PRKG1: variants seen among roughly 807,000 people sequenced by gnomAD.
PRKG1 encodes cGMP-dependent protein kinase 1.
In PRKG1, 35 loss-of-function variants were observed where a neutral mutation model predicts 88.1. The observed-to-expected ratio is 0.40, with a 90% CI of 0.30 to 0.53. The LOEUF is 0.53. Ranked by LOEUF, PRKG1 falls within the 20% of genes least tolerant of loss-of-function variation. PRKG1 has a pLI of 0.59. For missense variants in PRKG1, 540 were observed against 839.8 expected, an observed-to-expected ratio of 0.64 and a Z score of 4.41; for synonymous variants, 303 against 292.5, an observed-to-expected ratio of 1.04 and a Z score of -0.37.
At chr10:51,378,280 C>T (rs1054327921) in intron 2 of PRKG1, among the ~76,000 whole-genome samples, 2 of 152,126 alleles carry the variant, frequency 1.3e-5, no homozygotes, top group Admixed American at 1.3e-4. Flanking sequence ...TATTTTTATG[C>T]CTGGGAGAGT....
intron 1 of PRKG1, among the ~76,000 whole-genome samples, chr10:51,002,498 T>A (rs1374046452): frequency 6.6e-6 from 1 of 152,246 alleles, no homozygotes; most frequent in Non-Finnish European, 1.5e-5. Flanking sequence ...TACTCTACTC[T>A]GAATATAAAC....
intron 4 of PRKG1, among the ~76,000 whole-genome samples, chr10:51,837,130 A>G (rs1313096604): frequency 6.6e-6 from 1 of 152,168 alleles, no homozygotes; most frequent in Admixed American, 6.5e-5. Flanking sequence ...AAAAGGAAGA[A>G]GTAAGTTGAT....
At chr10:51,939,318 T>TA (rs1842857060) in intron 5 of PRKG1, among the ~76,000 whole-genome samples, 1 of 152,038 alleles carries the variant, frequency 6.6e-6, no homozygotes, top group East Asian at 1.9e-4. Flanking sequence ...TACGGCCAAA[T>TA]TGAGAATCCT....
At chr10:52,292,949 T>C (rs1455636486) in intron 17 of PRKG1, among the ~76,000 whole-genome samples, 3 of 152,034 alleles carry the variant, frequency 2.0e-5, no homozygotes, top group Non-Finnish European at 4.4e-5. Context: ...GGTATTCAAT[T>C]AGGAAAAGAG....
At chr10:51,948,487 T>C (rs1012878347) in intron 5 of PRKG1, among the ~76,000 whole-genome samples, 1 of 152,098 alleles carries the variant, frequency 6.6e-6, no homozygotes, top group Non-Finnish European at 1.5e-5. Flanking sequence ...GGATTTCATG[T>C]GATTCAGGTA....
At chr10:51,905,147 G>A (rs1842057955) in intron 4 of PRKG1, among the ~76,000 whole-genome samples, 2 of 152,108 alleles carry the variant, frequency 1.3e-5, no homozygotes, top group African/African-American at 2.4e-5. Context: ...CATAACTCAT[G>A]GCAACAGCTT....
intron 17 of PRKG1, among the ~76,000 whole-genome samples, chr10:52,291,583 T>G (rs1842247143): frequency 1.3e-5 from 2 of 152,144 alleles, no homozygotes. Flanking sequence ...GGACATGAAC[T>G]CATCATTTTT....
At chr10:51,741,189 G>T (rs979746985) in intron 3 of PRKG1, among the ~76,000 whole-genome samples, 7 of 151,950 alleles carry the variant, frequency 4.6e-5, no homozygotes, top group Admixed American at 2.0e-4. Flanking sequence ...AAATTACTGA[G>T]TCATTCTGGG....
intron 8 of PRKG1, among the ~76,000 whole-genome samples, chr10:52,151,567 T>A (rs1018166943): frequency 2.0e-5 from 3 of 152,086 alleles, no homozygotes; most frequent in Non-Finnish European, 4.4e-5. Flanking sequence ...ATAGGAAGAG[T>A]AATGTGTAAT....
intron 2 of PRKG1, among the ~76,000 whole-genome samples, chr10:51,275,419 C>G (rs1415824491): frequency 1.3e-5 from 2 of 152,052 alleles, no homozygotes; most frequent in African/African-American, 4.8e-5. Flanking sequence ...TGGGAAAATC[C>G]TAATTTTTCT....
chr10:52,068,670 ACATCATCATCTT>A (rs921498870), intron 7 of PRKG1, among the ~76,000 whole-genome samples: 3 of 147,220 alleles, frequency 2.0e-5, no homozygotes, highest in African/African-American at 7.3e-5. Flanking sequence ...ATCTTTATCT[ACATCATCATCTT>A]CATCATCATC....
At chr10:51,342,640 C>A (rs1588861571) in intron 2 of PRKG1, among the ~76,000 whole-genome samples, 1 of 152,204 alleles carries the variant, frequency 6.6e-6, no homozygotes, top group East Asian at 1.9e-4. Context: ...TAATTTTCAT[C>A]TGAGTCACTT....
intron 1 of PRKG1, among the ~76,000 whole-genome samples, chr10:51,098,981 C>A (rs1844611455): frequency 6.6e-6 from 1 of 152,188 alleles, no homozygotes; most frequent in Non-Finnish European, 1.5e-5. Flanking sequence ...AAGCCTAGCT[C>A]CCTTGCCTCA....
intron 2 of PRKG1, among the ~76,000 whole-genome samples, chr10:51,159,072 A>G (rs1261830291): frequency 6.6e-6 from 1 of 152,096 alleles, no homozygotes; most frequent in Non-Finnish European, 1.5e-5. Context: ...GTGGACATGA[A>G]TCATGCTAGC....
At chr10:51,483,836 T>C (rs557430888) in intron 3 of PRKG1, among the ~76,000 whole-genome samples, 29 of 152,236 alleles carry the variant, frequency 1.9e-4, no homozygotes, top group Non-Finnish European at 3.8e-4. Context: ...GCAGGAAATA[T>C]CTGCTGAAAC....
intron 2 of PRKG1, among the ~76,000 whole-genome samples, chr10:51,438,622 C>T (rs764415170): frequency 2.6e-5 from 4 of 151,848 alleles, no homozygotes; most frequent in Non-Finnish European, 5.9e-5. Context: ...TTAATCATAT[C>T]ATGTCAAGGT....
intron 2 of PRKG1, among the ~76,000 whole-genome samples, chr10:51,191,737 G>A (rs543046963): frequency 3.3e-4 from 50 of 151,598 alleles, no homozygotes; most frequent in Non-Finnish European, 6.8e-4. Context: ...ACCAATCTAC[G>A]TAAGTATCAG....
intron 1 of PRKG1, among the ~76,000 whole-genome samples, chr10:51,075,967 A>G (rs1843941130): frequency 6.6e-6 from 1 of 151,416 alleles, no homozygotes; most frequent in Non-Finnish European, 1.5e-5. Flanking sequence ...TGCTTACTCT[A>G]CTACTAACGA....
At chr10:51,301,279 G>A (rs1294704928) in intron 2 of PRKG1, among the ~76,000 whole-genome samples, 3 of 152,000 alleles carry the variant, frequency 2.0e-5, no homozygotes, top group Non-Finnish European at 4.4e-5. Flanking sequence ...TTAATAACTT[G>A]GTATGTTTGG....
Sources: gnomAD v4.1 joint callset for allele counts (sites outside exome capture counted in the v4.1 genomes callset) on GRCh38, gnomAD v4.1.1 for gene constraint, MANE v1.5 for transcripts, NCBI Gene and HGNC (gene_info 2026-07-23, HGNC 2026-07-21) for gene names.